The following LYPD6 variants were observed in gnomAD, a reference collection of about 807,000 sequenced individuals.
LYPD6 encodes the protein LY6/PLAUR domain containing 6, also known as ly6/PLAUR domain-containing protein 6.
Under a neutral mutation model 22.7 loss-of-function variants are expected in LYPD6, and 15 were observed. The observed-to-expected ratio is 0.66, with a 90% CI of 0.44 to 1.02. The LOEUF (loss-of-function observed/expected upper bound fraction) is 1.02. Among genes scored for constraint, LYPD6 ranks in the 50% least tolerant of loss-of-function variants. The pLI, the probability that LYPD6 is intolerant of heterozygous loss-of-function variation, is 0.00. For synonymous variants in LYPD6, 72 were observed against 77.5 expected (o/e 0.93, Z 0.37); for missense variants, 189 against 208.4 (o/e 0.91, Z 0.57).
chr2:149,394,969 A>G lies in LYPD6; in HGVS notation c.-71-42669A>G, dbSNP rs550193574. ...TGGACAAGATATTCCAAAAAATGAG[A>G]TTATTGAAACATATATTCTCTGTAT... On this transcript the variant is annotated intron_variant, in intron 1 of 4. Coordinates refer to ENST00000334166, the MANE Select transcript of LYPD6 (RefSeq NM_194317.5). Among the ~76,000 whole-genome samples the G allele has an allele frequency of 6.6e-5, 10 of 152,314 alleles. 1 individual carries two copies. In the South Asian group the frequency reaches 1.0e-3, roughly 16 times the overall value.
intron 2 of LYPD6, among the ~76,000 whole-genome samples, chr2:149,442,859 C>T (rs1027125922): frequency 6.6e-6 from 1 of 152,042 alleles, no homozygotes; most frequent in Non-Finnish European, 1.5e-5. Flanking sequence ...ATTGGTATTT[C>T]CTGCCAAGAT....
intron 3 of LYPD6, among the ~76,000 whole-genome samples, chr2:149,450,951 G>A (rs529226360): frequency 6.6e-6 from 1 of 152,356 alleles, no homozygotes; most frequent in South Asian, 2.1e-4. Context: ...CTTTGGGCTA[G>A]TTCCTGTGGT....
intron 1 of LYPD6, among the ~76,000 whole-genome samples, chr2:149,351,409 A>AG (rs989944476): frequency 6.0e-5 from 9 of 151,064 alleles, no homozygotes; most frequent in Non-Finnish European, 1.3e-4. Flanking sequence ...AAAAAAAAAA[A>AG]AAAAAAGAAA....
chr2:149,384,438 T>C (rs528437713), intron 1 of LYPD6, among the ~76,000 whole-genome samples: 2 of 152,302 alleles, frequency 1.3e-5, no homozygotes, highest in Middle Eastern at 3.4e-3. Context: ...GGGATGTGTC[T>C]CCTCCAAGTT....
chr2:149,428,173 A>G (rs899990062), intron 1 of LYPD6, among the ~76,000 whole-genome samples: 1 of 152,190 alleles, frequency 6.6e-6, no homozygotes, highest in Non-Finnish European at 1.5e-5. Flanking sequence ...CCTTTAGCTG[A>G]TAAGGCTTAA....
intron 3 of LYPD6, among the ~76,000 whole-genome samples, chr2:149,464,822 G>T (rs1030251957): frequency 2.6e-5 from 4 of 152,210 alleles, no homozygotes; most frequent in Admixed American, 6.5e-5. Context: ...GAGACTCCCA[G>T]ATTAGGGAGA....
chr2:149,476,124 A>G (rs1183900648), downstream of LYPD6, among the ~76,000 whole-genome samples: 1 of 152,100 alleles, frequency 6.6e-6, no homozygotes, highest in Non-Finnish European at 1.5e-5. Flanking sequence ...TTTTGTTACA[A>G]CTCATCAAAA....
At chr2:149,341,130 G>T (rs1196225727) in intron 1 of LYPD6, among the ~76,000 whole-genome samples, 5 of 152,088 alleles carry the variant, frequency 3.3e-5, no homozygotes, top group Non-Finnish European at 5.9e-5. Context: ...CTTCATAGGA[G>T]AATTTTCTTT....
chr2:149,361,486 T>G (rs1681570000), intron 1 of LYPD6, among the ~76,000 whole-genome samples: 1 of 152,228 alleles, frequency 6.6e-6, no homozygotes, highest in African/African-American at 2.4e-5. Context: ...GATGGCGTAT[T>G]CTGGTCTCTT....
chr2:149,442,573 G>A (rs961765990), intron 2 of LYPD6, among the ~76,000 whole-genome samples: 9 of 151,212 alleles, frequency 6.0e-5, no homozygotes, highest in African/African-American at 1.7e-4. Flanking sequence ...TTGAAACTCC[G>A]CTTGCTCTAC....
chr2:149,469,174 T>G (rs1352131628), intron 4 of LYPD6, among the ~76,000 whole-genome samples: 1 of 152,154 alleles, frequency 6.6e-6, no homozygotes, highest in African/African-American at 2.4e-5. Flanking sequence ...TTCTGTAAAG[T>G]AGGGCTCATG....
intron 1 of LYPD6, among the ~76,000 whole-genome samples, chr2:149,437,215 A>G (rs1045394788): frequency 4.6e-5 from 7 of 152,168 alleles, no homozygotes; most frequent in Non-Finnish European, 8.8e-5. Flanking sequence ...TCTGCCCTGT[A>G]CAGGTTTGCA....
intron 1 of LYPD6, among the ~76,000 whole-genome samples, chr2:149,429,092 A>G (rs1279831714): frequency 5.9e-5 from 9 of 152,100 alleles, no homozygotes; most frequent in African/African-American, 1.7e-4. Context: ...GTGGGAAACC[A>G]ATACCTCCCA....
At chr2:149,404,599 G>T (rs1158165883) in intron 1 of LYPD6, among the ~76,000 whole-genome samples, 1 of 152,300 alleles carries the variant, frequency 6.6e-6, no homozygotes, top group African/African-American at 2.4e-5. Flanking sequence ...CTGAGACTTT[G>T]CTGAAGTTGC....
intron 1 of LYPD6, among the ~76,000 whole-genome samples, chr2:149,436,924 G>T (rs1321506008): frequency 6.6e-6 from 1 of 152,196 alleles, no homozygotes; most frequent in Non-Finnish European, 1.5e-5. Flanking sequence ...TAAGAACAAA[G>T]AATTGCCTAG....
At chr2:149,450,800 G>A (rs1221388228) in intron 3 of LYPD6, among the ~76,000 whole-genome samples, 3 of 152,166 alleles carry the variant, frequency 2.0e-5, no homozygotes, top group East Asian at 1.9e-4. Flanking sequence ...TGTTCCCAGC[G>A]ATTCATATTA....
chr2:149,398,220 G>A (rs1317458800), intron 1 of LYPD6, among the ~76,000 whole-genome samples: 1 of 152,100 alleles, frequency 6.6e-6, no homozygotes, highest in East Asian at 1.9e-4. Flanking sequence ...TTTTAAAAAA[G>A]CAGGGATTTT....
At chr2:149,465,743 C>T (rs1296368471) in intron 3 of LYPD6, among the ~76,000 whole-genome samples, 2 of 152,166 alleles carry the variant, frequency 1.3e-5, no homozygotes, top group Admixed American at 1.3e-4. Flanking sequence ...AGATTATGAA[C>T]TCTGTGTGCA....
chr2:149,399,519 C>T (rs1682504907), intron 1 of LYPD6, among the ~76,000 whole-genome samples: 1 of 151,948 alleles, frequency 6.6e-6, no homozygotes, highest in Non-Finnish European at 1.5e-5. Flanking sequence ...GGTAGGGTCT[C>T]TAGCTTTCAT....
Sources: gnomAD v4.1 joint callset for allele counts (sites outside exome capture counted in the v4.1 genomes callset) on GRCh38, gnomAD v4.1.1 for gene constraint, MANE v1.5 for transcripts, NCBI Gene and HGNC (gene_info 2026-07-23, HGNC 2026-07-21) for gene names.